ITPR2: variants seen among roughly 807,000 people sequenced by gnomAD.
ITPR2 encodes the protein inositol 1,4,5-trisphosphate receptor type 2, also known as inositol 1,4,5-trisphosphate-gated calcium channel ITPR2.
Under a neutral mutation model 317.1 loss-of-function variants are expected in ITPR2, and 207 were observed. That is an observed-to-expected ratio of 0.65 (90% CI 0.58 to 0.73). The LOEUF is 0.73. Among genes scored for constraint, ITPR2 ranks in the 30% least tolerant of loss-of-function variants. The pLI is 0.00. For missense variants in ITPR2, 2,613 were observed against 3,284.0 expected (o/e 0.80, Z 4.99); for synonymous variants, 1,156 against 1,149.1 (o/e 1.01, Z -0.12).
chr12:26,570,844 A>G (rs1341827464), intron 34 of ITPR2, among the ~76,000 whole-genome samples: 2 of 152,228 alleles, frequency 1.3e-5, no homozygotes, highest in East Asian at 3.9e-4. Flanking sequence ...CATTAAAAAA[A>G]TTCGCATAGC....
intron 34 of ITPR2, among the ~76,000 whole-genome samples, chr12:26,576,247 G>T (rs1945272459): frequency 6.6e-6 from 1 of 150,938 alleles, no homozygotes; most frequent in Non-Finnish European, 1.5e-5. Context: ...ACATAAAAGT[G>T]TGAAGAAGAA....
intron 42 of ITPR2, among the ~76,000 whole-genome samples, chr12:26,482,187 A>G (rs1942557419): frequency 6.6e-6 from 1 of 152,178 alleles, no homozygotes; most frequent in Admixed American, 6.5e-5. Context: ...TTTTCTACCC[A>G]TCTCCTACCT....
intron 26 of ITPR2, among the ~76,000 whole-genome samples, chr12:26,614,762 A>G (rs1429808053): frequency 6.6e-6 from 1 of 152,126 alleles, no homozygotes; most frequent in Non-Finnish European, 1.5e-5. Context: ...AAACCTACAG[A>G]GAAAAAAAAT....
intron 37 of ITPR2, among the ~76,000 whole-genome samples, chr12:26,507,766 C>G (rs1369750825): frequency 2.0e-5 from 3 of 151,960 alleles, no homozygotes; most frequent in Non-Finnish European, 4.4e-5. Flanking sequence ...GAGGAAGAAT[C>G]ATTTCAGTGA....
intron 1 of ITPR2, among the ~76,000 whole-genome samples, chr12:26,811,853 G>GAA (rs35083731): frequency 1.1e-4 from 8 of 71,898 alleles, no homozygotes; most frequent in South Asian, 5.5e-4. Context: ...GACTCCGTCT[G>GAA]AAAAAAAAAA....
At position 26,597,071 on chromosome 12, in the gene ITPR2, G is replaced by A; in HGVS notation, c.4066C>T (p.Leu1356Phe). 6.2e-7 allele frequency: 1 copy of A among 1,613,916 alleles called. No homozygotes were observed. ...TCTCTCTCTGAACACATCATATGGA[G>A]AAGGATTGGAAATGATGCTCTATCA... ...YNDRASFPIL[L>F]HMMCSERDRG... The change falls in exon 31 of 57, where the codon CTC becomes TTC. Residue 1356 changes from leucine (L) to phenylalanine (F), a missense_variant. This residue lies in a region of ITPR2 where 817 missense variants were observed against 897.6 expected (regional missense o/e 0.91). Transcript: ENST00000381340.
Position 26,597,067 on chromosome 12 carries a change from T to C in ITPR2, c.4070A>G (p.His1357Arg), listed in dbSNP as rs1216032761. ...NDRASFPILL[H>R]MMCSERDRGD... ...TCGGTCTCTCTCTGAACACATCATA[T>C]GGAGAAGGATTGGAAATGATGCTCT... The change falls in exon 31 of 57, where the codon CAT becomes CGT. Residue 1357 changes from histidine (H) to arginine (R), a missense_variant. By Grantham distance (29) the His-to-Arg change is conservative. Coordinates refer to ENST00000381340, the MANE Select transcript of ITPR2 (RefSeq NM_002223.4). The C allele has an allele frequency of 8.1e-6, 13 of 1,613,898 alleles. No individual in the cohort carries two copies. Among genetic ancestry groups the C allele is most frequent in the Non-Finnish European group, 9.3e-6 (11 of 1,179,974 alleles).
At chr12:26,802,321 T>A (rs1950568963) in intron 1 of ITPR2, among the ~76,000 whole-genome samples, 1 of 151,752 alleles carries the variant, frequency 6.6e-6, no homozygotes, top group African/African-American at 2.4e-5. Flanking sequence ...AAAAATAATT[T>A]TTAAAAAAGA....
chr12:26,374,277 C>T (rs1372836574), intron 55 of ITPR2, among the ~76,000 whole-genome samples: 1 of 152,236 alleles, frequency 6.6e-6, no homozygotes, highest in Non-Finnish European at 1.5e-5. Flanking sequence ...GTAATACTCA[C>T]TATTTAGCTA....
chr12:26,827,422 C>T (rs1450082741), intron 1 of ITPR2, among the ~76,000 whole-genome samples: 7 of 152,084 alleles, frequency 4.6e-5, no homozygotes, highest in Non-Finnish European at 1.0e-4. Flanking sequence ...TCAAATTTTG[C>T]ACAAACAGAC....
At chr12:26,774,971 C>T (rs1279492232) in intron 2 of ITPR2, among the ~76,000 whole-genome samples, 2 of 152,132 alleles carry the variant, frequency 1.3e-5, no homozygotes, top group African/African-American at 4.8e-5. Context: ...TCCCAGTGGC[C>T]CTGGCAGGAC....
intron 55 of ITPR2, among the ~76,000 whole-genome samples, chr12:26,341,353 A>C (rs992202088): frequency 6.6e-6 from 1 of 152,284 alleles, no homozygotes; most frequent in African/African-American, 2.4e-5. Flanking sequence ...TCCATTCCAG[A>C]GAAGTCCACT....
intron 32 of ITPR2, among the ~76,000 whole-genome samples, chr12:26,591,667 TAA>T (rs879788512): frequency 4.9e-5 from 7 of 143,190 alleles, no homozygotes; most frequent in Non-Finnish European, 6.2e-5. Context: ...CCATCTCTAC[TAA>T]AAAAAAAAAA....
intron 24 of ITPR2, chr12:26,623,318 C>T (rs868212327): frequency 6.6e-6 from 1 of 151,238 alleles, no homozygotes; most frequent in Non-Finnish European, 1.5e-5. Context: ...AGCATCTCCA[C>T]GCTGTACGTG....
chr12:26,534,120 C>T (rs907498739), intron 37 of ITPR2, among the ~76,000 whole-genome samples: 1 of 152,184 alleles, frequency 6.6e-6, no homozygotes, highest in African/African-American at 2.4e-5. Flanking sequence ...CGTCAGTGGC[C>T]TTCCAGAAGT....
intron 26 of ITPR2, among the ~76,000 whole-genome samples, chr12:26,613,964 T>C (rs1227328571): frequency 6.6e-6 from 1 of 152,042 alleles, no homozygotes; most frequent in African/African-American, 2.4e-5. Flanking sequence ...ACTACAGACC[T>C]CAGAGAAATT....
rs1354521273 is a variant in ITPR2, at chr12:26,400,130, C to T, written c.7528G>A (p.Asp2510Asn). 2.6e-5 allele frequency: 41 copies of T among 1,606,496 alleles called. No individual in the cohort carries two copies. The highest frequency in any genetic ancestry group is 3.3e-5 in the Non-Finnish European group (39 of 1,176,260). ...VGDVLRRPSKDEPLFAARVVY... is the reference protein window; with the variant it reads ...VGDVLRRPSKNEPLFAARVVY... The stretch of plus-strand genomic sequence containing the variant: ...AAAATACTTTTACTCTGGCTTACAT[C>T]TTTCGATGGCCTTCTTAGCACATCC... The change falls in exon 53 of 57, where the codon GAT becomes AAT. Residue 2510 changes from aspartate to asparagine, a missense_variant and splice_region_variant. By Grantham distance (23) the Asp-to-Asn change is conservative. Around this residue, in one of 9 missense-constraint regions of ITPR2, gnomAD observed 113 missense variants for 129.2 expected, o/e 0.87. Coordinates refer to ENST00000381340, the MANE Select transcript of ITPR2 (RefSeq NM_002223.4).
intron 32 of ITPR2, among the ~76,000 whole-genome samples, chr12:26,591,187 G>T (rs1366587691): frequency 6.6e-6 from 1 of 151,738 alleles, no homozygotes; most frequent in South Asian, 2.1e-4. Context: ...CTGTCCATCT[G>T]GCAAGGGATT....
At chr12:26,697,672 G>A (rs1458067907) in intron 9 of ITPR2, among the ~76,000 whole-genome samples, 1 of 152,084 alleles carries the variant, frequency 6.6e-6, no homozygotes, top group African/African-American at 2.4e-5. Context: ...AGCTGGGCAT[G>A]GTGGCACGCA....
Sources: gnomAD v4.1 joint callset for allele counts (sites outside exome capture counted in the v4.1 genomes callset) on GRCh38, gnomAD v4.1.1 for gene constraint, gnomAD v4.1.1 regional missense constraint, MANE v1.5 for transcripts, NCBI Gene and HGNC (gene_info 2026-07-23, HGNC 2026-07-21) for gene names.